The following PAK1 variants were observed in gnomAD, a reference collection of about 807,000 sequenced individuals.
PAK1 encodes the protein p21 (RAC1) activated kinase 1.
PAK1 carries 29 observed loss-of-function variants against 67.4 expected under a neutral mutation model. That is an observed-to-expected ratio of 0.43 (90% confidence interval 0.32 to 0.59). The LOEUF is 0.59. PAK1 is among the 20% of genes least tolerant of loss of function. The pLI is 0.07. For missense variants in PAK1, 337 were observed against 670.7 expected, an observed-to-expected ratio of 0.50 and a Z score of 5.50; for synonymous variants, 223 against 237.4, an observed-to-expected ratio of 0.94 and a Z score of 0.56.
chr11:77,489,605 C>G, the PAK1 span, among the ~76,000 whole-genome samples: 1 of 152,134 alleles, frequency 6.6e-6, no homozygotes, highest in South Asian at 2.1e-4. Context: ...CGCGCCGCCA[C>G]GCCTGACTGG....
intron 5 of PAK1, among the ~76,000 whole-genome samples, chr11:77,370,406 A>T (rs1356514575): frequency 6.6e-6 from 1 of 152,250 alleles, no homozygotes; most frequent in Non-Finnish European, 1.5e-5. Flanking sequence ...ATTTTAGCTT[A>T]GAATCAAATG....
intron 14 of PAK1, among the ~76,000 whole-genome samples, 165 bp from the exon 15 acceptor site, chr11:77,323,525 G>A (rs1362613690): frequency 1.3e-5 from 2 of 152,154 alleles, no homozygotes; most frequent in African/African-American, 4.8e-5. Flanking sequence ...TTGGAAAACT[G>A]TTTGGCAGCA....
At chr11:77,363,290 G>A (rs917702537) in intron 5 of PAK1, among the ~76,000 whole-genome samples, 2 of 152,136 alleles carry the variant, frequency 1.3e-5, no homozygotes, top group African/African-American at 2.4e-5. Context: ...CCAACCCAGA[G>A]AGGAGATGAG....
rs933220453 is a variant in PAK1 at position 77,437,848 on chromosome 11, T to A, written c.-22+35704A>T. Among the ~76,000 whole-genome samples, 3 of 152,278 alleles carry A rather than the reference T, an allele frequency of 2.0e-5. No homozygotes were observed. In the South Asian group the frequency reaches 6.2e-4, roughly 32 times the overall value. On this transcript the variant is annotated intron_variant, in intron 1 of 14. Coordinates refer to ENST00000356341, the MANE Select transcript of PAK1 (RefSeq NM_002576.5). ...TAGATAGGTATAAATGTTTTCGATA[T>A]CTCCAAGACTTAGAATGAGCAAGTA...
intron 1 of PAK1, among the ~76,000 whole-genome samples, chr11:77,429,932 T>A (rs1955782271): frequency 6.6e-6 from 1 of 152,204 alleles, no homozygotes; most frequent in Non-Finnish European, 1.5e-5. Context: ...CAACTCATTC[T>A]CAAATGACCC....
chr11:77,501,316 G>C, the PAK1 span, among the ~76,000 whole-genome samples: 1 of 152,298 alleles, frequency 6.6e-6, no homozygotes, highest in South Asian at 2.1e-4. Context: ...CTATCTGCCA[G>C]AGGGGAGCTT....
At chr11:77,345,358 GGC>G (rs1412342243) in intron 9 of PAK1, among the ~76,000 whole-genome samples, 1 of 152,052 alleles carries the variant, frequency 6.6e-6, no homozygotes, top group Non-Finnish European at 1.5e-5. Context: ...AATGGCAATG[GGC>G]TCCTCTATCC....
chr11:77,323,990 T>C (rs1939034137), intron 14 of PAK1, among the ~76,000 whole-genome samples: 2 of 152,226 alleles, frequency 1.3e-5, no homozygotes, highest in African/African-American at 4.8e-5. Context: ...TTTATTGTTC[T>C]ATCCTCAAAT....
chr11:77,450,109 A>G (rs1457865044), intron 1 of PAK1, among the ~76,000 whole-genome samples: 3 of 152,212 alleles, frequency 2.0e-5, no homozygotes, highest in African/African-American at 4.8e-5. Context: ...AGTATTTGGA[A>G]AGATAATTAT....
intron 9 of PAK1, among the ~76,000 whole-genome samples, chr11:77,346,493 C>A (rs970572945): frequency 2.0e-5 from 3 of 152,202 alleles, no homozygotes; most frequent in African/African-American, 7.2e-5. Flanking sequence ...ATAATCTCAA[C>A]CTTGATTCCC....
chr11:77,474,090 T>G lies in PAK1; in HGVS notation c.-560A>C, dbSNP rs1271797592. The G allele has an allele frequency of 1.3e-5, 2 of 152,388 alleles. No individual in the cohort carries two copies. Among genetic ancestry groups the G allele is most frequent in the Middle Eastern group, 3.4e-3 (1 of 296 alleles). 9.4% of individuals were successfully genotyped at this position (152,388 alleles called of 1,614,324 possible). A position where few individuals can be genotyped will look rare whatever the true frequency, so the allele number is the denominator to read the frequency against. On this transcript the variant is annotated 5_prime_UTR_variant, in exon 1 of 15. Transcript: ENST00000356341. ...CCTCCCCCGCCCACAGCCGCGCTAT[T>G]GTACGCCGCCCGGCAGGCCTGACCG...
chr11:77,342,611 A>C (rs1943776658), intron 10 of PAK1, among the ~76,000 whole-genome samples: 1 of 152,198 alleles, frequency 6.6e-6, no homozygotes, highest in African/African-American at 2.4e-5. Flanking sequence ...AGAGCCAGTC[A>C]GGACCCACAT....
rs536791141 is a variant in PAK1, at chr11:77,382,546, G to GC, written c.191-2553dup. ...GACACTGAGTCTGCTACACCACCAAGCATCTAGTCATTTCCTATCTTATAT... is the reference window on the plus strand; with the variant it reads ...GACACTGAGTCTGCTACACCACCAAGCCATCTAGTCATTTCCTATCTTATAT... On this transcript the variant is annotated intron_variant, in intron 2 of 14. Coordinates refer to ENST00000356341, the MANE Select transcript of PAK1 (RefSeq NM_002576.5). Among the ~76,000 whole-genome samples the GC allele has an allele frequency of 4.6e-5, 7 of 152,172 alleles. 1 individual carries two copies. The South Asian group carries it at 1.4e-3, about 32-fold the overall frequency.
At chr11:77,461,315 T>C (rs774744096) in intron 1 of PAK1, among the ~76,000 whole-genome samples, 27 of 152,360 alleles carry the variant, frequency 1.8e-4, no homozygotes, top group Non-Finnish European at 2.5e-4. Context: ...TAAACATTAA[T>C]GTAGATGTTG....
chr11:77,445,698 T>TTC (rs1956565240), intron 1 of PAK1, among the ~76,000 whole-genome samples: 1 of 152,222 alleles, frequency 6.6e-6, no homozygotes, highest in Non-Finnish European at 1.5e-5. Flanking sequence ...AAATCTACAT[T>TTC]TCTCTTCATG....
chr11:77,494,530 T>A, the PAK1 span, among the ~76,000 whole-genome samples: 1 of 151,580 alleles, frequency 6.6e-6, no homozygotes, highest in African/African-American at 2.4e-5. Context: ...ACCTGGCCCA[T>A]TTTTTGTTTC....
chr11:77,395,233 G>A (rs1001186276), intron 1 of PAK1, among the ~76,000 whole-genome samples: 3 of 152,068 alleles, frequency 2.0e-5, no homozygotes, highest in Non-Finnish European at 4.4e-5. Flanking sequence ...CAAAGCAATG[G>A]GTAACTTTCC....
intron 1 of PAK1, among the ~76,000 whole-genome samples, chr11:77,403,613 T>A (rs1028397202): frequency 6.6e-6 from 1 of 151,994 alleles, no homozygotes; most frequent in African/African-American, 2.4e-5. Context: ...TACTCAAACA[T>A]CAAAAACCAT....
chr11:77,348,174 G>A (rs1410357808), intron 9 of PAK1, among the ~76,000 whole-genome samples: 1 of 152,156 alleles, frequency 6.6e-6, no homozygotes, highest in South Asian at 2.1e-4. Flanking sequence ...ATAGAAGCAC[G>A]TTTCTAGCAG....
Sources: allele counts gnomAD v4.1 joint callset (sites outside exome capture counted in the v4.1 genomes callset), GRCh38; gene constraint gnomAD v4.1.1; transcripts MANE v1.5; gene names NCBI Gene and HGNC (gene_info 2026-07-23, HGNC 2026-07-21).